The following ADAM2 variants were observed in gnomAD, a reference collection of about 807,000 sequenced individuals.
ADAM2 encodes disintegrin and metalloproteinase domain-containing protein 2.
A neutral mutation model predicts 99.3 loss-of-function variants in ADAM2; 101 were observed. That is an observed-to-expected ratio of 1.02 (90% confidence interval 0.87 to 1.20). ADAM2 has a LOEUF of 1.20. Among genes scored for constraint, ADAM2 ranks in the 50% most tolerant of loss-of-function variants. ADAM2 has a pLI of 0.00. For missense variants in ADAM2, 948 were observed against 878.7 expected (o/e 1.08, Z -1.00); for synonymous variants, 323 against 287.6 (o/e 1.12, Z -1.25).
intron 19 of ADAM2, among the ~76,000 whole-genome samples, chr8:39,745,297 A>C (rs1340966843): frequency 6.6e-6 from 1 of 152,122 alleles, no homozygotes; most frequent in Admixed American, 6.5e-5. Flanking sequence ...ATATAAGAAA[A>C]CCACTTTAGT....
chr8:39,806,491 ATAT>A (rs930605718), intron 7 of ADAM2, among the ~76,000 whole-genome samples: 3 of 148,150 alleles, frequency 2.0e-5, no homozygotes, highest in African/African-American at 4.9e-5. Flanking sequence ...TATATTATAA[ATAT>A]TATATTATTT....
At chr8:39,822,916 A>G (rs555088095) in intron 4 of ADAM2, among the ~76,000 whole-genome samples, 22 of 152,072 alleles carry the variant, frequency 1.4e-4, no homozygotes, top group African/African-American at 4.6e-4. Flanking sequence ...CTACAGGCAC[A>G]TGCTGCCATG....
intron 9 of ADAM2, 135 bp downstream of exon 9, chr8:39,787,950 T>C (rs892115363): frequency 1.9e-6 from 1 of 531,336 alleles, no homozygotes; most frequent in African/African-American, 2.0e-5. Flanking sequence ...AATACCATGT[T>C]GTGAAAAATA....
chr8:39,777,818 C>A (rs1803056999), intron 10 of ADAM2, among the ~76,000 whole-genome samples: 1 of 151,390 alleles, frequency 6.6e-6, no homozygotes. Context: ...CTATTGTGTA[C>A]CCATAATAAA....
intron 15 of ADAM2, among the ~76,000 whole-genome samples, chr8:39,758,575 T>A (rs433539): frequency 0.19 from 28,164 of 149,334 alleles, 2,904 homozygotes; most frequent in East Asian, 0.29. Context: ...AAAAAAAATT[T>A]AAAAAAAAAA....
chr8:39,816,153 C>G lies in ADAM2; in HGVS notation c.513+4849G>C, dbSNP rs112293043. On this transcript the variant is annotated intron_variant, in intron 6 of 20. Coordinates refer to ENST00000265708, the MANE Select transcript of ADAM2 (RefSeq NM_001464.5). Reference sequence around the variant, plus strand: ...TCAACTAAAAATGCAAAAAATTAGCCGAGCGTGGTGGTGTGCACCTCTAAT... The same window carrying G: ...TCAACTAAAAATGCAAAAAATTAGCGGAGCGTGGTGGTGTGCACCTCTAAT... Among the ~76,000 whole-genome samples, 5 of 151,908 alleles carry G rather than the reference C, an allele frequency of 3.3e-5. 1 individual carries two copies. The highest frequency in any genetic ancestry group is 3.3e-4 in the Admixed American group (5 of 15,222).
chr8:39,823,529 G>GTT (rs1007943834), intron 4 of ADAM2, among the ~76,000 whole-genome samples: 1 of 143,280 alleles, frequency 7.0e-6, no homozygotes, highest in African/African-American at 2.5e-5. Context: ...ATTCTTGCTT[G>GTT]TTTTTTTTTT....
Position 39,773,031 on chromosome 8 carries a change from C to T in ADAM2, c.1029-3456G>A, listed in dbSNP as rs182958044. On this transcript the variant is annotated intron_variant, in intron 11 of 20. Transcript: ENST00000265708. ...TGAAAAAATGAAAAACAAAGAAAGA[C>T]AAAACTAAACACAATTATTAAATAA... Among the ~76,000 whole-genome samples, 751 of 151,688 alleles carry T rather than the reference C, an allele frequency of 5.0e-3. 3 individuals are homozygous for T. The highest frequency in any genetic ancestry group is 0.017 in the African/African-American group (716 of 41,484).
At chr8:39,797,401 G>C (rs1053006779) in intron 7 of ADAM2, among the ~76,000 whole-genome samples, 1 of 152,132 alleles carries the variant, frequency 6.6e-6, no homozygotes, top group Non-Finnish European at 1.5e-5. Flanking sequence ...CTGTTCCACT[G>C]GTCTATATGT....
At chr8:39,803,614 G>C (rs574410305) in intron 7 of ADAM2, among the ~76,000 whole-genome samples, 1 of 152,238 alleles carries the variant, frequency 6.6e-6, no homozygotes. Context: ...ATGATGCCTC[G>C]TTCATTAATT....
Position 39,788,181 on chromosome 8 carries a change from G to T in ADAM2, c.713C>A (p.Ala238Glu). ...TAACTCATTAGCTTCTCCAGTGGTT[G>T]CAATTTTATTTTCATCTATCCAAAG... Reference protein sequence around the residue: ...LELWIDENKIATTGEANELLH... With the variant: ...LELWIDENKIETTGEANELLH... Residue 238 changes from alanine to glutamate, a missense_variant, in exon 9 of 21, where the codon GCA becomes GAA. Transcript: ENST00000265708. 6.3e-7 allele frequency: 1 copy of T among 1,584,892 alleles called. No individual in the cohort carries two copies. The highest frequency in any genetic ancestry group is 2.3e-5 in the East Asian group (1 of 43,634).
At chr8:39,807,626 G>A (rs1213003447) in intron 7 of ADAM2, among the ~76,000 whole-genome samples, 1 of 152,094 alleles carries the variant, frequency 6.6e-6, no homozygotes, top group African/African-American at 2.4e-5. Context: ...AGATACTAGA[G>A]AGTTTGCTTT....
At chr8:39,754,839 A>C (rs1295510208) in intron 16 of ADAM2, among the ~76,000 whole-genome samples, 2 of 152,200 alleles carry the variant, frequency 1.3e-5, no homozygotes, top group East Asian at 3.9e-4. Flanking sequence ...ATATAATAAA[A>C]AAATCTAGGA....
intron 9 of ADAM2, 95 bp downstream of exon 9, chr8:39,787,990 A>G: frequency 3.6e-6 from 3 of 838,082 alleles, no homozygotes; most frequent in Non-Finnish European, 5.0e-6. Flanking sequence ...AAAAAAATAG[A>G]TTTTTTTAAT....
intron 3 of ADAM2, among the ~76,000 whole-genome samples, chr8:39,828,833 A>T (rs986810759): frequency 2.0e-5 from 3 of 151,898 alleles, no homozygotes; most frequent in Non-Finnish European, 4.4e-5. Context: ...GGTCCACTGG[A>T]TGCTAATTTG....
intron 16 of ADAM2, among the ~76,000 whole-genome samples, chr8:39,754,477 T>C (rs1330212264): frequency 6.6e-6 from 1 of 152,230 alleles, no homozygotes; most frequent in African/African-American, 2.4e-5. Context: ...TTTTAGCCTA[T>C]TTAGAAACAA....
intron 10 of ADAM2, among the ~76,000 whole-genome samples, chr8:39,783,517 C>T (rs1803320531): frequency 6.6e-6 from 1 of 152,134 alleles, no homozygotes. Context: ...GAACATCCTT[C>T]CTTTAGACTA....
intron 10 of ADAM2, among the ~76,000 whole-genome samples, chr8:39,784,190 A>T (rs1803357046): frequency 6.6e-6 from 1 of 152,124 alleles, no homozygotes; most frequent in Non-Finnish European, 1.5e-5. Flanking sequence ...TTCTGTGAAC[A>T]TTGTTTATAG....
intron 3 of ADAM2, among the ~76,000 whole-genome samples, chr8:39,833,425 C>T (rs1805694806): frequency 6.6e-6 from 1 of 151,978 alleles, no homozygotes; most frequent in Non-Finnish European, 1.5e-5. Flanking sequence ...TTTCAATTTT[C>T]ACTTTTCTTT....
Sources: allele counts gnomAD v4.1 joint callset (sites outside exome capture counted in the v4.1 genomes callset), GRCh38; gene constraint gnomAD v4.1.1; transcripts MANE v1.5; gene names NCBI Gene and HGNC (gene_info 2026-07-23, HGNC 2026-07-21).